Variants in PCDHGB1 observed in about 807,000 individuals in gnomAD.
PCDHGB1 encodes protocadherin gamma subfamily B, 1.
PCDHGB1 carries 34 observed loss-of-function variants against 56.6 expected under a neutral mutation model. The ratio of observed to expected loss-of-function variants is 0.60; its 90% CI spans 0.46 to 0.80. The LOEUF is 0.80. PCDHGB1 is among the 30% of genes least tolerant of loss of function. The pLI, the probability that PCDHGB1 is intolerant of heterozygous loss-of-function variation, is 0.00. For synonymous variants in PCDHGB1, 561 were observed against 505.9 expected, an observed-to-expected ratio of 1.11 and a Z score of -1.46; for missense variants, 1,278 against 1,204.6, an observed-to-expected ratio of 1.06 and a Z score of -0.90.
chr5:141,384,580 G>T, intron 1 of PCDHGB1: 1 of 1,614,196 alleles, frequency 6.2e-7, no homozygotes, highest in Non-Finnish European at 8.5e-7. Flanking sequence ...CAACCCGCCC[G>T]AGATCCTGTA....
In PCDHGB1 at chr5:141,485,539, G is replaced by T; in HGVS notation, c.2410-9268G>T. 6.2e-7 allele frequency: 1 copy of T among 1,614,104 alleles called. No individual in the cohort carries two copies. Among genetic ancestry groups the T allele is most frequent in the Non-Finnish European group, 8.5e-7 (1 of 1,179,998 alleles). On this transcript the variant is annotated intron_variant, in intron 1 of 3. Coordinates refer to ENST00000523390, the MANE Select transcript of PCDHGB1 (RefSeq NM_018922.3). This position sits in a 1 kb window ranked among gnomAD's most constrained non-coding sequence, Gnocchi z 5.7. ...TGGAAATGTACCGAGCAGAGGTAGA[G>T]ATCGTAGATGTGAATGATCACGCCC...
intron 1 of PCDHGB1, chr5:141,378,871 A>G (rs1775219585): frequency 1.3e-5 from 2 of 152,236 alleles, no homozygotes; most frequent in East Asian, 3.9e-4. Flanking sequence ...TCGAATAGAA[A>G]ATGGATCACT....
At chr5:141,357,503 T>C (rs1001739432) in intron 1 of PCDHGB1, 2 of 1,614,126 alleles carry the variant, frequency 1.2e-6, no homozygotes, top group African/African-American at 2.7e-5. Flanking sequence ...AAGAGTCACC[T>C]GATCTTCTCC....
chr5:141,478,392 A>G, intron 1 of PCDHGB1: 1 of 1,613,560 alleles, frequency 6.2e-7, no homozygotes, highest in Non-Finnish European at 8.5e-7. Context: ...CTTTACCATC[A>G]GGTGTATCTC....
At position 141,432,298 on chromosome 5, in the gene PCDHGB1, A is replaced by G; in HGVS notation, c.2410-62509A>G. 6.2e-7 allele frequency: 1 copy of G among 1,614,236 alleles called. No homozygotes were observed. The highest frequency in any genetic ancestry group is 8.5e-7 in the Non-Finnish European group (1 of 1,180,036). The stretch of plus-strand genomic sequence containing the variant: ...TGTCCATCAACTCCGACACTGGGGT[A>G]CTGTATGCGCTGAGCTCCTTCGACT... On this transcript the variant is annotated intron_variant, in intron 1 of 3. Transcript: ENST00000523390. This position sits in a 1 kb window ranked among gnomAD's most constrained non-coding sequence, Gnocchi z 6.0.
chr5:141,418,869 T>A (rs1261615662), intron 1 of PCDHGB1: 1 of 1,613,830 alleles, frequency 6.2e-7, no homozygotes, highest in Non-Finnish European at 8.5e-7. Flanking sequence ...ATTGTAGAAG[T>A]TGTAGACGAA....
intron 1 of PCDHGB1, chr5:141,408,678 A>G (rs758302984): frequency 2.5e-6 from 4 of 1,613,862 alleles, no homozygotes; most frequent in African/African-American, 1.3e-5. Context: ...CCTGCCACGG[A>G]TCCTGATATA....
At chr5:141,418,124 C>A (rs762154093) in intron 1 of PCDHGB1, 33 of 1,613,836 alleles carry the variant, frequency 2.0e-5, no homozygotes, top group East Asian at 1.3e-4. Flanking sequence ...TGTGAAGGAC[C>A]GAATAGACCG....
Position 141,510,960 on chromosome 5 carries a change from G to C in PCDHGB1, c.2571G>C (p.Gly857=). The change falls in exon 4 of 4, where the codon GGG becomes GGC. Residue 857 remains glycine, a synonymous_variant. Transcript: ENST00000523390. ...CTGTCTCTGCAGAAGCTGCTGATGG[G>C]AGCTCCACCCTGGGAGGGGGTGCCG... The part of the protein sequence containing the change: ...ILASASEAAD[G]SSTLGGGAGT... 1 of 1,614,120 alleles carries C rather than the reference G, an allele frequency of 6.2e-7. No homozygotes were observed. Among genetic ancestry groups the C allele is most frequent in the Non-Finnish European group, 8.5e-7 (1 of 1,180,022 alleles).
chr5:141,388,795 C>T, intron 1 of PCDHGB1: 1 of 1,613,834 alleles, frequency 6.2e-7, no homozygotes, highest in Admixed American at 1.7e-5. Context: ...GTTTTAAATA[C>T]ATTAGATTTT....
intron 1 of PCDHGB1, chr5:141,388,978 C>G: frequency 6.2e-7 from 1 of 1,613,972 alleles, no homozygotes; most frequent in Non-Finnish European, 8.5e-7. Flanking sequence ...ACACATATTG[C>G]TTTGCTCAAA....
chr5:141,383,734 T>C (rs1249029357), intron 1 of PCDHGB1: 2 of 1,613,994 alleles, frequency 1.2e-6, no homozygotes, highest in East Asian at 4.5e-5. Context: ...GGAAGTGACA[T>C]ATTCTTTTCG....
rs1454395834 is a variant in PCDHGB1, at chr5:141,413,223, G to A, written c.2409+60554G>A. The stretch of plus-strand genomic sequence containing the variant: ...CAAAGGAATCAAAGGATTGCAGCGG[G>A]CTGGTCCTGCTCTGCCTTTTCTTCG... On this transcript the variant is annotated intron_variant, in intron 1 of 3. Transcript: ENST00000523390. 4 of 1,613,694 alleles carry A rather than the reference G, an allele frequency of 2.5e-6. No individual in the cohort carries two copies. In the African/African-American group the frequency reaches 4.0e-5, roughly 16 times the overall value.
chr5:141,399,658 T>G (rs766038311), intron 1 of PCDHGB1: 22 of 1,613,572 alleles, frequency 1.4e-5, no homozygotes, highest in South Asian at 4.4e-5. Flanking sequence ...TGGGGTGGTG[T>G]TCGCGCAGCG....
Position 141,432,849 on chromosome 5 carries a change from T to G in PCDHGB1, c.2410-61958T>G. The G allele has an allele frequency of 1.2e-6, 2 of 1,614,194 alleles. No homozygotes were observed. The highest frequency in any genetic ancestry group is 2.2e-5 in the South Asian group (2 of 91,092). ...CTCACTCTGTACCTGGTGGTAGCGG[T>G]GGCCGCGGTCTCCTGCGTCTTCCTG... On this transcript the variant is annotated intron_variant, in intron 1 of 3. Coordinates refer to ENST00000523390, the MANE Select transcript of PCDHGB1 (RefSeq NM_018922.3). This position sits in a 1 kb window ranked among gnomAD's most constrained non-coding sequence, Gnocchi z 6.0.
intron 1 of PCDHGB1, chr5:141,409,865 C>A: frequency 6.2e-7 from 1 of 1,612,574 alleles, no homozygotes; most frequent in Non-Finnish European, 8.5e-7. Flanking sequence ...GGTGGGAGAC[C>A]GCAATGACAA....
chr5:141,461,037 G>T (rs1254497108), intron 1 of PCDHGB1, among the ~76,000 whole-genome samples: 1 of 150,988 alleles, frequency 6.6e-6, no homozygotes, highest in Non-Finnish European at 1.5e-5. Flanking sequence ...CCACTCATTA[G>T]TCGATGGGGA....
intron 1 of PCDHGB1, among the ~76,000 whole-genome samples, chr5:141,382,313 T>G (rs1490254305): frequency 1.3e-5 from 2 of 152,226 alleles, no homozygotes; most frequent in African/African-American, 4.8e-5. Flanking sequence ...TTATATACAC[T>G]GATGTAAATA....
chr5:141,444,710 T>A (rs2098445001), intron 1 of PCDHGB1, among the ~76,000 whole-genome samples: 1 of 152,236 alleles, frequency 6.6e-6, no homozygotes, highest in Admixed American at 6.5e-5. Flanking sequence ...TTCTGTTGAA[T>A]TTGCTTGGTG....
Sources: allele counts gnomAD v4.1 joint callset (sites outside exome capture counted in the v4.1 genomes callset), GRCh38; gene constraint gnomAD v4.1.1; non-coding constraint Gnocchi (gnomAD v3.1); transcripts MANE v1.5; gene names NCBI Gene and HGNC (gene_info 2026-07-23, HGNC 2026-07-21).